CTNNA2: variants seen among roughly 807,000 people sequenced by gnomAD.
CTNNA2 encodes the protein catenin alpha-2.
A neutral mutation model predicts 101.0 loss-of-function variants in CTNNA2; 42 were observed. The observed-to-expected ratio is 0.42, with a 90% CI of 0.32 to 0.54. The LOEUF (loss-of-function observed/expected upper bound fraction) is 0.54. Among genes scored for constraint, CTNNA2 ranks in the 20% least tolerant of loss-of-function variants. The probability of loss-of-function intolerance (pLI) is 0.14; values close to 1 mark genes in which losing one functional copy is unlikely to be tolerated. For missense variants in CTNNA2, 871 were observed against 1,223.1 expected, an observed-to-expected ratio of 0.71 and a Z score of 4.29; for synonymous variants, 450 against 456.4, an observed-to-expected ratio of 0.99 and a Z score of 0.18.
At position 79,382,660 on chromosome 2, in the gene CTNNA2, C is replaced by A. The variant is rs112413171; in HGVS notation, c.-135+8647C>A. 2.1e-3 allele frequency among the ~76,000 whole-genome samples: 325 copies of A among 152,272 alleles called. 2 individuals are homozygous for A. Among genetic ancestry groups the A allele is most frequent in the African/African-American group, 7.3e-3 (303 of 41,562 alleles). ...GACACTCTTCGCTCTGTCGCCCAGG[C>A]TGGAGTGCAGTGGCACAATCTCGGC... On this transcript the variant is annotated intron_variant, in intron 4 of 21. Coordinates refer to the CTNNA2 transcript ENST00000466387.
intron 1 of CTNNA2, among the ~76,000 whole-genome samples, chr2:79,541,181 A>G (rs1354734107): frequency 6.8e-6 from 1 of 147,342 alleles, no homozygotes; most frequent in East Asian, 2.0e-4. Context: ...ATAAACATAT[A>G]TATTACACAT....
chr2:80,568,282 G>A (rs908388991), intron 12 of CTNNA2, among the ~76,000 whole-genome samples: 1 of 152,128 alleles, frequency 6.6e-6, no homozygotes, highest in African/African-American at 2.4e-5. Context: ...AGAGAGACTT[G>A]TTATGTGAAA....
chr2:79,287,485 C>G (rs1015535402), intron 2 of CTNNA2, among the ~76,000 whole-genome samples: 15 of 151,852 alleles, frequency 9.9e-5, no homozygotes, highest in African/African-American at 3.6e-4. Flanking sequence ...ACAGGACCCT[C>G]AGCTGCAGGT....
intron 7 of CTNNA2, among the ~76,000 whole-genome samples, chr2:80,252,555 T>C (rs1671849084): frequency 6.6e-6 from 1 of 152,182 alleles, no homozygotes; most frequent in Non-Finnish European, 1.5e-5. Context: ...AATAGTTCCC[T>C]TTGCTGACAT....
intron 7 of CTNNA2, among the ~76,000 whole-genome samples, chr2:80,215,440 GGT>G (rs1473213012): frequency 6.6e-6 from 1 of 152,116 alleles, no homozygotes; most frequent in Non-Finnish European, 1.5e-5. Context: ...GTGGGGTTTT[GGT>G]GTGGATGTCC....
At chr2:80,469,726 G>A (rs1685138846) in intron 9 of CTNNA2, among the ~76,000 whole-genome samples, 1 of 152,086 alleles carries the variant, frequency 6.6e-6, no homozygotes, top group African/African-American at 2.4e-5. Context: ...TACCTTATGG[G>A]GGGTATAGTC....
chr2:79,271,935 C>T (rs1675094208), intron 2 of CTNNA2, among the ~76,000 whole-genome samples: 1 of 152,024 alleles, frequency 6.6e-6, no homozygotes. Flanking sequence ...AGATCATATT[C>T]TATGCCATAA....
In CTNNA2 at chr2:79,213,284, T is replaced by A. The variant is rs562126117; in HGVS notation, c.-406+15208T>A. On this transcript the variant is annotated intron_variant, in intron 2 of 21. Coordinates refer to the CTNNA2 transcript ENST00000466387. ...GGCCTTTGCAGTGAATGACTCCAGC[T>A]TCCTTTGGAAGTAAAGCAGCTTTGA... Among the ~76,000 whole-genome samples, 9 of 152,334 alleles carry A rather than the reference T, an allele frequency of 5.9e-5. No homozygotes were observed. The South Asian group carries it at 1.9e-3, about 32-fold the overall frequency.
chr2:80,274,987 A>G (rs1200204325), intron 7 of CTNNA2, among the ~76,000 whole-genome samples: 3 of 152,230 alleles, frequency 2.0e-5, no homozygotes, highest in African/African-American at 4.8e-5. Context: ...CATCAATTAT[A>G]GCATATAGAA....
At chr2:79,857,742 C>A (rs1681251997) in intron 3 of CTNNA2, among the ~76,000 whole-genome samples, 1 of 152,130 alleles carries the variant, frequency 6.6e-6, no homozygotes, top group Non-Finnish European at 1.5e-5. Flanking sequence ...AACTATTAGA[C>A]AAATGGAATT....
intron 7 of CTNNA2, among the ~76,000 whole-genome samples, chr2:79,996,633 G>T (rs182556987): frequency 2.8e-4 from 43 of 152,256 alleles, no homozygotes; most frequent in Non-Finnish European, 5.4e-4. Context: ...ACAAAGGAGA[G>T]ATTTTATTCA....
chr2:80,043,185 T>TTCCTTA (rs1558755676), intron 7 of CTNNA2, among the ~76,000 whole-genome samples: 1 of 86,836 alleles, frequency 1.2e-5, no homozygotes. Context: ...TTCCTTCCTT[T>TTCCTTA]CTTTCTTTCT....
intron 1 of CTNNA2, among the ~76,000 whole-genome samples, chr2:79,529,056 C>T (rs1370995794): frequency 6.6e-6 from 1 of 152,100 alleles, no homozygotes; most frequent in East Asian, 1.9e-4. Context: ...TCAACAGGAA[C>T]TTGAAGAACA....
chr2:79,953,414 A>G (rs1452024503), intron 7 of CTNNA2, among the ~76,000 whole-genome samples: 4 of 152,200 alleles, frequency 2.6e-5, no homozygotes, highest in African/African-American at 9.7e-5. Context: ...TCCTGTCCTC[A>G]TGAAGGCAGC....
intron 7 of CTNNA2, among the ~76,000 whole-genome samples, chr2:80,010,277 C>G (rs1693681819): frequency 1.3e-5 from 2 of 152,132 alleles, no homozygotes; most frequent in African/African-American, 4.8e-5. Flanking sequence ...TACCTTTCAG[C>G]AGTCCTCATT....
intron 8 of CTNNA2, among the ~76,000 whole-genome samples, chr2:80,407,956 G>T (rs988262996): frequency 1.3e-4 from 20 of 152,314 alleles, no homozygotes; most frequent in African/African-American, 4.6e-4. Flanking sequence ...GTGGTAAATG[G>T]TTTTCTGTTT....
At chr2:80,268,334 C>A (rs1372286808) in intron 7 of CTNNA2, among the ~76,000 whole-genome samples, 1 of 152,182 alleles carries the variant, frequency 6.6e-6, no homozygotes, top group Non-Finnish European at 1.5e-5. Flanking sequence ...AATTTGCAAA[C>A]CTGTCCTACA....
intron 1 of CTNNA2, among the ~76,000 whole-genome samples, chr2:79,606,317 G>C (rs1037803308): frequency 6.6e-6 from 1 of 152,172 alleles, no homozygotes; most frequent in African/African-American, 2.4e-5. Context: ...ACCCAGGCTG[G>C]AGTGAAGTGG....
intron 4 of CTNNA2, among the ~76,000 whole-genome samples, chr2:79,453,660 T>C (rs1670780899): frequency 1.3e-5 from 2 of 152,230 alleles, no homozygotes; most frequent in South Asian, 2.1e-4. Context: ...AAACAGTATA[T>C]ATATATTTTT....
Sources: gnomAD v4.1 joint callset for allele counts (sites outside exome capture counted in the v4.1 genomes callset) on GRCh38, gnomAD v4.1.1 for gene constraint, MANE v1.5 for transcripts, NCBI Gene and HGNC (gene_info 2026-07-23, HGNC 2026-07-21) for gene names.